The following ZNF682 variants were observed in gnomAD, a reference collection of about 807,000 sequenced individuals.
The protein encoded by ZNF682 is zinc finger protein 682.
Under a neutral mutation model 36.5 loss-of-function variants are expected in ZNF682, and 29 were observed. The ratio of observed to expected loss-of-function variants is 0.80; its 90% CI spans 0.59 to 1.08. The LOEUF (loss-of-function observed/expected upper bound fraction) is 1.08, where lower values mean the gene tolerates loss of function less well. ZNF682 is among the 50% of genes least tolerant of loss of function. The pLI is 0.00. For synonymous variants in ZNF682, 180 were observed against 197.0 expected (o/e 0.91, Z 0.72); for missense variants, 561 against 579.7 (o/e 0.97, Z 0.33).
intron 1 of ZNF682, among the ~76,000 whole-genome samples, chr19:20,035,785 G>C (rs536539253): frequency 6.6e-6 from 1 of 152,078 alleles, no homozygotes; most frequent in South Asian, 2.1e-4. Flanking sequence ...GCCCAGGCTG[G>C]AGTGCAGTAG....
chr19:20,002,780 G>GT (rs1366252019), downstream of ZNF682, among the ~76,000 whole-genome samples: 1 of 152,070 alleles, frequency 6.6e-6, no homozygotes, highest in Non-Finnish European at 1.5e-5. Context: ...ATGTAGAGAC[G>GT]TAAGAGTTGA....
At chr19:20,030,011 C>T (rs1384987432) in intron 1 of ZNF682, among the ~76,000 whole-genome samples, 7 of 151,978 alleles carry the variant, frequency 4.6e-5, no homozygotes, top group South Asian at 2.1e-4. Flanking sequence ...AGAGGTGAAA[C>T]GTGGGTAAGG....
Position 20,039,391 on chromosome 19 carries a change from A to G in ZNF682, c.-46T>C. 1 of 1,608,930 alleles carries G rather than the reference A, an allele frequency of 6.2e-7. No homozygotes were observed. On this transcript the variant is annotated 5_prime_UTR_variant, in exon 1 of 4. Transcript: ENST00000397165. ...GTGGAGTCTTAGCTCTGGATCTCAC[A>G]GCATCTGCAAGTCAGAGGGCAACAG...
intron 1 of ZNF682, among the ~76,000 whole-genome samples, chr19:20,038,078 A>C (rs1417005949): frequency 2.0e-5 from 3 of 152,222 alleles, no homozygotes; most frequent in Non-Finnish European, 4.4e-5. Context: ...AACCAGGAAA[A>C]TAACACAGGG....
chr19:20,002,641 C>T (rs929345429), downstream of ZNF682, among the ~76,000 whole-genome samples: 8 of 152,106 alleles, frequency 5.3e-5, no homozygotes, highest in African/African-American at 1.2e-4. Context: ...GATGTCCTCA[C>T]GGCAATTTTA....
intron 3 of ZNF682, among the ~76,000 whole-genome samples, chr19:20,019,195 T>TA: frequency 6.6e-6 from 1 of 152,060 alleles, no homozygotes; most frequent in South Asian, 2.1e-4. Context: ...CACAGTAAAA[T>TA]ATTACCTCAA....
intron 1 of ZNF682, among the ~76,000 whole-genome samples, chr19:20,036,132 T>C (rs986754000): frequency 6.6e-6 from 1 of 152,132 alleles, no homozygotes; most frequent in Admixed American, 6.6e-5. Flanking sequence ...GAAACCAAGG[T>C]ACAGAGCGTA....
chr19:20,003,052 G>A (rs1165990194), downstream of ZNF682, among the ~76,000 whole-genome samples: 2 of 151,374 alleles, frequency 1.3e-5, no homozygotes, highest in African/African-American at 2.4e-5. Context: ...TGAGCCGGGC[G>A]TGGTGGTGGG....
chr19:20,038,839 C>T (rs2088557410), intron 1 of ZNF682, among the ~76,000 whole-genome samples: 1 of 152,218 alleles, frequency 6.6e-6, no homozygotes, highest in Admixed American at 6.5e-5. Flanking sequence ...AAAAAACTTT[C>T]CTTCAAGCTC....
downstream of ZNF682, among the ~76,000 whole-genome samples, chr19:20,003,071 G>A (rs1013176821): frequency 6.6e-6 from 1 of 150,506 alleles, no homozygotes; most frequent in Non-Finnish European, 1.5e-5. Flanking sequence ...GGCGCCTGTA[G>A]TCCCAGCTAC....
Position 20,005,910 on chromosome 19 carries a change from A to T in ZNF682, c.*95T>A. On this transcript the variant is annotated 3_prime_UTR_variant, in exon 4 of 4. Transcript: ENST00000397165. ...CTTCACATTTGTAGTGTTTCTCTCC[A>T]GTATGAATTATCTTGTGATTTCAAT... The T allele has an allele frequency of 8.5e-7, 1 of 1,176,454 alleles. No homozygotes were observed. Among genetic ancestry groups the T allele is most frequent in the Non-Finnish European group, 1.2e-6 (1 of 832,628 alleles). 72.9% of individuals were successfully genotyped at this position (1,176,454 alleles called of 1,614,324 possible). A position where few individuals can be genotyped will look rare whatever the true frequency, so the allele number is the denominator to read the frequency against.
rs1366581828 is a variant in ZNF682, at chr19:20,006,289, C to G, written c.1213G>C (p.Ala405Pro). Residue 405 changes from alanine (A) to proline (P), a missense_variant, in exon 4 of 4, where the codon GCT becomes CCT. Transcript: ENST00000397165. ...GTAAGGATTGAGGACCAGTTAAAAG[C>G]TTTGCCACATTCTTCACATTTGTAG... ...KPYKCEECGK[A>P]FNWSSILTEH... 1.9e-6 allele frequency: 3 copies of G among 1,613,486 alleles called. No individual in the cohort carries two copies. Among genetic ancestry groups the G allele is most frequent in the Non-Finnish European group, 2.5e-6 (3 of 1,179,960 alleles).
At chr19:20,011,893 C>T (rs28808685) in intron 3 of ZNF682, among the ~76,000 whole-genome samples, 9,997 of 151,924 alleles carry the variant, frequency 0.066, 579 homozygotes, top group East Asian at 0.2. Context: ...AGAAATTAGC[C>T]GGGCGTGGTG....
intron 1 of ZNF682, among the ~76,000 whole-genome samples, chr19:20,025,100 G>T (rs2088419754): frequency 6.6e-6 from 1 of 152,128 alleles, no homozygotes. Context: ...CTAAAAGCTA[G>T]CCAGTTGATA....
At chr19:20,013,661 A>G (rs991107961) in intron 3 of ZNF682, among the ~76,000 whole-genome samples, 5 of 152,052 alleles carry the variant, frequency 3.3e-5, no homozygotes, top group Non-Finnish European at 7.4e-5. Flanking sequence ...GCTCACCACA[A>G]CCTCCATCTC....
intron 1 of ZNF682, chr19:20,034,149 C>G (rs1346284296): frequency 6.6e-6 from 1 of 152,368 alleles, no homozygotes; most frequent in African/African-American, 2.4e-5. Flanking sequence ...CAATGTTTCT[C>G]TTTAAAGAAC....
At chr19:20,018,513 G>A (rs2088357698) in intron 3 of ZNF682, among the ~76,000 whole-genome samples, 1 of 152,030 alleles carries the variant, frequency 6.6e-6, no homozygotes. Context: ...GAAATAATGT[G>A]GTATTAGCAC....
downstream of ZNF682, among the ~76,000 whole-genome samples, chr19:20,000,735 G>A (rs1253733646): frequency 6.6e-6 from 1 of 152,196 alleles, no homozygotes; most frequent in Admixed American, 6.5e-5. Context: ...CTGATCTGAA[G>A]AGCAAAACTT....
chr19:20,014,614 C>CAAA (rs55756913), intron 3 of ZNF682, among the ~76,000 whole-genome samples: 2 of 140,296 alleles, frequency 1.4e-5, no homozygotes, highest in Admixed American at 7.0e-5. Flanking sequence ...TACTAGAATA[C>CAAA]AAAAAAAAAA....
Sources: allele counts gnomAD v4.1 joint callset (sites outside exome capture counted in the v4.1 genomes callset), GRCh38; gene constraint gnomAD v4.1.1; transcripts MANE v1.5; gene names NCBI Gene and HGNC (gene_info 2026-07-23, HGNC 2026-07-21).